Variants in GH2 observed in about 807,000 individuals in gnomAD.
GH2 encodes growth hormone 2, also known as growth hormone variant.
In GH2, 17 loss-of-function variants were observed where a neutral mutation model predicts 24.1. The ratio of observed to expected loss-of-function variants is 0.71; its 90% CI spans 0.48 to 1.06. GH2 has a LOEUF of 1.06. Ranked by LOEUF, GH2 falls within the 50% of genes least tolerant of loss-of-function variation. The probability of loss-of-function intolerance (pLI) is 0.00; values close to 1 mark genes in which losing one functional copy is unlikely to be tolerated. For missense variants in GH2, 305 were observed against 273.1 expected (o/e 1.12, Z -0.82); for synonymous variants, 126 against 118.7 (o/e 1.06, Z -0.40).
At position 63,880,477 on chromosome 17, in the gene GH2, A is replaced by C. The variant is rs569201043; in HGVS notation, c.498T>G (p.Asn166Lys). 3.3e-5 allele frequency: 53 copies of C among 1,613,776 alleles called. No individual in the cohort carries two copies. Among genetic ancestry groups the C allele is most frequent in the Non-Finnish European group, 4.2e-5 (49 of 1,179,766 alleles). The change falls in exon 5 of 5, where the codon AAT (asparagine) becomes AAG (lysine). Residue 166 changes from asparagine to lysine, a missense_variant. By Grantham distance (94) the Asn-to-Lys change is moderately conservative. Coordinates refer to ENST00000423893, the MANE Select transcript of GH2 (RefSeq NM_002059.5). Reference protein sequence around the residue: ...DGSPRTGQIFNQSYSKFDTKS... With the variant: ...DGSPRTGQIFKQSYSKFDTKS... ...TTGTGTCAAACTTGCTGTAGGACTG[A>C]TTGAAGATCTGCCCAGTCCGGGGGC...
chr17:63,881,571 G>A (rs781426983), intron 1 of GH2, 52 bp from the exon 2 acceptor site: 148 of 1,607,930 alleles, frequency 9.2e-5, no homozygotes, highest in South Asian at 4.5e-4. Flanking sequence ...AGAGGCCAGC[G>A]CTCTCCCTGT....
At chr17:63,881,602 T>TC (rs1005032173) in intron 1 of GH2, 83 bp from the exon 2 acceptor site, 129 of 1,561,770 alleles carry the variant, frequency 8.3e-5, no homozygotes, top group South Asian at 2.5e-4. Context: ...GGGTTTTTTT[T>TC]TTTCTCTCTC....
rs778551473 is a variant in GH2 at position 63,880,311 on chromosome 17, A to G, written c.*10T>C. The stretch of plus-strand genomic sequence containing the variant: ...ACTGGGGAGGGGTCACAGGGATGCC[A>G]CCCGGGCAGCTAGAAGCCACAGCTG... On this transcript the variant is annotated 3_prime_UTR_variant, in exon 5 of 5. Transcript: ENST00000423893. 23 of 1,613,796 alleles carry G rather than the reference A, an allele frequency of 1.4e-5. No homozygotes were observed. The highest frequency in any genetic ancestry group is 5.5e-5 in the South Asian group (5 of 91,056).
rs1177663864 is a variant in GH2, at chr17:63,880,385, T to A, written c.590A>T (p.Asp197Val). The A allele has an allele frequency of 4.3e-6, 7 of 1,613,774 alleles. No homozygotes were observed. Among genetic ancestry groups the A allele is most frequent in the Non-Finnish European group, 5.9e-6 (7 of 1,179,794 alleles). Residue 197 changes from aspartate (D) to valine (V), a missense_variant, in exon 5 of 5, where the codon GAC (aspartate) becomes GTC (valine). Asp to Val is a radical substitution (Grantham distance 152). Transcript: ENST00000423893. ...GATGCGCAGGAATGTCTCGACCTTG[T>A]CCATGTCCTTCCTGAAGCAGTAGAG... Reference protein sequence around the residue: ...GLLYCFRKDMDKVETFLRIVQ... With the variant: ...GLLYCFRKDMVKVETFLRIVQ...
At position 63,881,584 on chromosome 17, in the gene GH2, C is replaced by G; in HGVS notation, c.11-65G>C. 3 of 1,583,904 alleles carry G rather than the reference C, an allele frequency of 1.9e-6. No individual in the cohort carries two copies. The East Asian group carries it at 6.7e-5, about 35-fold the overall frequency. ...CAAGAGGCCAGCGCTCTCCCTGTTCCAGGAGCTGGGTTTTTTTTTTTCTCT... is the reference window on the plus strand; with the variant it reads ...CAAGAGGCCAGCGCTCTCCCTGTTCGAGGAGCTGGGTTTTTTTTTTTCTCT... On this transcript the variant is annotated intron_variant, in intron 1 of 4. Coordinates refer to ENST00000423893, the MANE Select transcript of GH2 (RefSeq NM_002059.5).
chr17:63,880,559 G>A (rs1017876660), intron 4 of GH2, 41 bp from the exon 5 acceptor site: 1 of 1,613,834 alleles, frequency 6.2e-7, no homozygotes, highest in Non-Finnish European at 8.5e-7. Flanking sequence ...AAGCGCTTGG[G>A]CACTGTTCCC....
chr17:63,881,911 C>T lies in GH2; in HGVS notation c.-110G>A. The stretch of plus-strand genomic sequence containing the variant: ...TTTTTATACCTGGCCCCTTCTCTCT[C>T]GCTGCTTCTCCTCACCTGTTTCTCT... On this transcript the variant is annotated 5_prime_UTR_variant, in exon 1 of 5. Coordinates refer to ENST00000423893, the MANE Select transcript of GH2 (RefSeq NM_002059.5). 4 of 1,607,836 alleles carry T rather than the reference C, an allele frequency of 2.5e-6. No individual in the cohort carries two copies. Among genetic ancestry groups the T allele is most frequent in the Non-Finnish European group, 2.5e-6 (3 of 1,176,618 alleles).
chr17:63,880,669 G>A, intron 4 of GH2, 103 bp downstream of exon 4: 1 of 1,614,018 alleles, frequency 6.2e-7, no homozygotes, highest in Non-Finnish European at 8.5e-7. Flanking sequence ...GAGTTCTCTT[G>A]GGTCAGCGCC....
At chr17:63,881,620 G>C in intron 1 of GH2, 101 bp from the exon 2 acceptor site, 2 of 1,593,978 alleles carry the variant, frequency 1.3e-6, no homozygotes, top group Middle Eastern at 2.2e-4. Flanking sequence ...CTCTCTCTCT[G>C]CCTCCCTCCA....
Position 63,881,035 on chromosome 17 carries a change from C to T in GH2, c.285G>A (p.Gln95=). 6.2e-7 allele frequency: 1 copy of T among 1,614,086 alleles called. No homozygotes were observed. The highest frequency in any genetic ancestry group is 8.5e-7 in the Non-Finnish European group (1 of 1,179,958). The stretch of plus-strand genomic sequence containing the variant: ...GGAGAAGGCATCCACTCACAGATTT[C>T]TGCTGCGTTTTCACCCTGTTGGAAG... The part of the protein sequence containing the change: ...PTPSNRVKTQ[Q]KSNLELLRIS... The change falls in exon 3 of 5, where the codon CAG becomes CAA. Residue 95 remains glutamine, a synonymous_variant. Coordinates refer to ENST00000423893, the MANE Select transcript of GH2 (RefSeq NM_002059.5).
intron 4 of GH2, 65 bp from the exon 5 acceptor site, chr17:63,880,583 C>T (rs397839840): frequency 6.8e-6 from 11 of 1,613,896 alleles, no homozygotes; most frequent in Non-Finnish European, 9.3e-6. Context: ...CTCTCTCATT[C>T]ATCCATTTTC....
rs762760367 is a variant in GH2, at chr17:63,880,608, G to C, written c.457-90C>G. 1.9e-6 allele frequency: 3 copies of C among 1,613,810 alleles called. No homozygotes were observed. In the South Asian group the frequency reaches 3.3e-5, roughly 18 times the overall value. Reference sequence around the variant, plus strand: ...CATCCATTTTCCTCCCTCCCCTCCAGGTTGTAGAGAAAGGCCTGGAGGATT... The same window carrying C: ...CATCCATTTTCCTCCCTCCCCTCCACGTTGTAGAGAAAGGCCTGGAGGATT... On this transcript the variant is annotated intron_variant, in intron 4 of 4. Transcript: ENST00000423893.
Position 63,881,618 on chromosome 17 carries a change from C to T in GH2, c.11-99G>A, listed in dbSNP as rs1238355172. The T allele has an allele frequency of 4.4e-6, 7 of 1,601,554 alleles. No homozygotes were observed. In the East Asian group the frequency reaches 1.6e-4, roughly 36 times the overall value. On this transcript the variant is annotated intron_variant, in intron 1 of 4. Coordinates refer to ENST00000423893, the MANE Select transcript of GH2 (RefSeq NM_002059.5). ...GGTTTTTTTTTTTCTCTCTCTCTCT[C>T]TGCCTCCCTCCAGGGACCAGGAACA...
chr17:63,880,669 G>C (rs770729720), intron 4 of GH2, 103 bp downstream of exon 4: 2 of 1,614,018 alleles, frequency 1.2e-6, no homozygotes, highest in East Asian at 2.2e-5. Flanking sequence ...GAGTTCTCTT[G>C]GGTCAGCGCC....
Position 63,880,328 on chromosome 17 carries a change from C to T in GH2, c.647G>A (p.Gly216Asp). 1 of 1,613,828 alleles carries T rather than the reference C, an allele frequency of 6.2e-7. No homozygotes were observed. Among genetic ancestry groups the T allele is most frequent in the Non-Finnish European group, 8.5e-7 (1 of 1,179,812 alleles). The stretch of plus-strand genomic sequence containing the variant: ...GGGATGCCACCCGGGCAGCTAGAAG[C>T]CACAGCTGCCCTCCACAGAGCGGCA... ...VQCRSVEGSCGF is the reference protein window; with the variant it reads ...VQCRSVEGSCDF Residue 216 changes from glycine (G) to aspartate (D), a missense_variant, in exon 5 of 5, where the codon GGC (glycine) becomes GAC (aspartate). Gly to Asp is a moderately conservative substitution (Grantham distance 94). Transcript: ENST00000423893.
intron 4 of GH2, 29 bp from the exon 5 acceptor site, chr17:63,880,547 C>A: frequency 6.2e-7 from 1 of 1,613,840 alleles, no homozygotes; most frequent in Non-Finnish European, 8.5e-7. Flanking sequence ...GAAGGAGAGG[C>A]CAAGCGCTTG....
rs749427168 is a variant in GH2 at position 63,880,858 on chromosome 17, C to T, written c.370G>A (p.Ala124Thr). 8 of 1,613,890 alleles carry T rather than the reference C, an allele frequency of 5.0e-6. No homozygotes were observed. Among genetic ancestry groups the T allele is most frequent in the East Asian group, 2.2e-5 (1 of 44,890 alleles). ...EPVQLLRSVF[A>T]NSLVYGASDS... ...GAGGCGCCATACACCAGGCTGTTGG[C>T]GAAGACGCTCCTGAGGAGCTGCACG... The change falls in exon 4 of 5, where the codon GCC (alanine) becomes ACC (threonine). Residue 124 changes from alanine (A) to threonine (T), a missense_variant. Transcript: ENST00000423893.
At position 63,881,806 on chromosome 17, in the gene GH2, G is replaced by C. The variant is rs200345167; in HGVS notation, c.-5C>G. 6.2e-7 allele frequency: 1 copy of C among 1,613,494 alleles called. No homozygotes were observed. On this transcript the variant is annotated 5_prime_UTR_variant, in exon 1 of 5. Coordinates refer to ENST00000423893, the MANE Select transcript of GH2 (RefSeq NM_002059.5). ...GGGGCGCTTACCTGCAGCCATTGCC[G>C]CTAGGTGAGCTGTCCACAGGACCCT... is the stretch of plus-strand genomic sequence containing the variant.
chr17:63,880,933 G>T lies in GH2; in HGVS notation c.295C>A (p.Leu99Ile). The T allele has an allele frequency of 6.2e-7, 1 of 1,614,086 alleles. No homozygotes were observed. Among genetic ancestry groups the T allele is most frequent in the Non-Finnish European group, 8.5e-7 (1 of 1,179,964 alleles). Reference protein sequence around the residue: ...NRVKTQQKSNLELLRISLLLI... With the variant: ...NRVKTQQKSNIELLRISLLLI... ...AGCAGGGAGATGCGGAGCAGCTCTA[G>T]GTTCTGCAGGGGAAGGACCGGCAGT... The change falls in exon 4 of 5, where the codon CTA becomes ATA. Residue 99 changes from leucine (L) to isoleucine (I), a missense_variant. Leu to Ile is a conservative substitution (Grantham distance 5). Coordinates refer to ENST00000423893, the MANE Select transcript of GH2 (RefSeq NM_002059.5).
Sources: allele counts gnomAD v4.1 joint callset, GRCh38; gene constraint gnomAD v4.1.1; transcripts MANE v1.5; gene names NCBI Gene and HGNC (gene_info 2026-07-23, HGNC 2026-07-21).